Variants in ASTN2 observed in about 807,000 individuals in gnomAD.
ASTN2 encodes the protein astrotactin 2, also known as astrotactin-2.
Under a neutral mutation model 139.8 loss-of-function variants are expected in ASTN2, and 54 were observed. The observed-to-expected ratio is 0.39, with a 90% CI of 0.31 to 0.48. ASTN2 has a LOEUF of 0.48. ASTN2 is among the 20% of genes least tolerant of loss of function. The pLI, the probability that ASTN2 is intolerant of heterozygous loss-of-function variation, is 0.95. For synonymous variants in ASTN2, 756 were observed against 719.5 expected, an observed-to-expected ratio of 1.05 and a Z score of -0.81; for missense variants, 1,565 against 1,725.1, an observed-to-expected ratio of 0.91 and a Z score of 1.64.
chr9:117,207,788 C>T (rs75079625), intron 3 of ASTN2, among the ~76,000 whole-genome samples: 2,444 of 152,298 alleles, frequency 0.016, 73 homozygotes, highest in African/African-American at 0.055. Context: ...CATGAACATC[C>T]CCCTGTTCTG....
intron 16 of ASTN2, among the ~76,000 whole-genome samples, chr9:116,665,650 T>C (rs1418404138): frequency 2.6e-5 from 4 of 152,306 alleles, no homozygotes; most frequent in Middle Eastern, 3.4e-3. Flanking sequence ...GAGCCTGGGA[T>C]GTTTTGTTGT....
chr9:116,860,807 C>G (rs907197250), intron 11 of ASTN2, among the ~76,000 whole-genome samples: 2 of 152,194 alleles, frequency 1.3e-5, no homozygotes, highest in African/African-American at 4.8e-5. Context: ...AGGATGAGCT[C>G]TTAGCTTGTA....
intron 4 of ASTN2, among the ~76,000 whole-genome samples, chr9:117,113,617 T>C (rs545786150): frequency 2.6e-4 from 40 of 152,010 alleles, no homozygotes; most frequent in Non-Finnish European, 2.4e-4. Flanking sequence ...GATCGCACCA[T>C]TGCGCTCCAG....
intron 13 of ASTN2, among the ~76,000 whole-genome samples, chr9:116,780,394 A>G (rs1196823120): frequency 1.3e-5 from 2 of 152,232 alleles, no homozygotes; most frequent in African/African-American, 2.4e-5. Flanking sequence ...AGGCGTTCTC[A>G]TTCTGCTCCC....
At chr9:116,843,818 C>T (rs771676056) in intron 11 of ASTN2, among the ~76,000 whole-genome samples, 20 of 152,130 alleles carry the variant, frequency 1.3e-4, no homozygotes, top group Non-Finnish European at 2.4e-4. Flanking sequence ...GGGCACTACG[C>T]TTAGTACCTG....
chr9:117,164,022 T>A (rs965908527), intron 3 of ASTN2, among the ~76,000 whole-genome samples: 1 of 152,104 alleles, frequency 6.6e-6, no homozygotes, highest in African/African-American at 2.4e-5. Flanking sequence ...ATTTTCACCA[T>A]CAGTTTCAAA....
chr9:116,967,713 CG>C (rs1240851091), intron 10 of ASTN2, among the ~76,000 whole-genome samples: 2 of 152,282 alleles, frequency 1.3e-5, no homozygotes, highest in East Asian at 3.9e-4. Flanking sequence ...GATGTAAGAC[CG>C]GTATCAAGGG....
chr9:116,754,842 G>A (rs913632351), intron 13 of ASTN2, among the ~76,000 whole-genome samples: 1 of 152,154 alleles, frequency 6.6e-6, no homozygotes, highest in African/African-American at 2.4e-5. Context: ...CAACAAGTGT[G>A]AACTTTGACA....
intron 15 of ASTN2, among the ~76,000 whole-genome samples, chr9:116,726,209 A>G (rs1177254160): frequency 1.3e-5 from 2 of 152,224 alleles, no homozygotes; most frequent in Non-Finnish European, 1.5e-5. Context: ...TCAGCAACGT[A>G]GACCATGGGA....
intron 2 of ASTN2, among the ~76,000 whole-genome samples, chr9:117,245,045 A>G (rs1478088043): frequency 6.6e-6 from 1 of 152,028 alleles, no homozygotes; most frequent in Non-Finnish European, 1.5e-5. Context: ...ATCATGATAC[A>G]AGTAGAAGGT....
At chr9:116,786,487 C>A (rs1830381912) in intron 13 of ASTN2, among the ~76,000 whole-genome samples, 1 of 151,792 alleles carries the variant, frequency 6.6e-6, no homozygotes, top group Non-Finnish European at 1.5e-5. Context: ...GTGTCTGGTG[C>A]AGTGTGTCAT....
intron 5 of ASTN2, among the ~76,000 whole-genome samples, chr9:117,075,546 T>TTA (rs199828323): frequency 0.013 from 1,999 of 151,810 alleles, 42 homozygotes; most frequent in African/African-American, 0.046. Flanking sequence ...TTTTGGCAAT[T>TTA]TCATGGTCTC....
chr9:116,447,063 C>T (rs1564283219), intron 20 of ASTN2, among the ~76,000 whole-genome samples: 2 of 152,134 alleles, frequency 1.3e-5, no homozygotes, highest in Non-Finnish European at 2.9e-5. Flanking sequence ...GCTGACCTTC[C>T]TCCCCACTCT....
chr9:116,798,077 C>A lies in ASTN2; in HGVS notation c.2396+7555G>T, dbSNP rs574704635. On this transcript the variant is annotated intron_variant, in intron 13 of 22. Coordinates refer to ENST00000313400, the MANE Select transcript of ASTN2 (RefSeq NM_001365068.1). ...CTTGAGGCCAGGAGTTCAAGACCAG[C>A]CTGGCCAACATGGTGAAACCTTGTC... Among the ~76,000 whole-genome samples the A allele has an allele frequency of 2.6e-5, 4 of 152,286 alleles. No individual in the cohort carries two copies. The East Asian group carries it at 7.7e-4, about 29-fold the overall frequency.
chr9:117,324,352 G>T (rs1039842112), intron 1 of ASTN2, among the ~76,000 whole-genome samples: 9 of 152,208 alleles, frequency 5.9e-5, no homozygotes, highest in African/African-American at 2.2e-4. Context: ...GACAAAGGAG[G>T]TTTAATTGGT....
intron 1 of ASTN2, among the ~76,000 whole-genome samples, chr9:117,353,555 G>T (rs1829449950): frequency 6.6e-6 from 1 of 152,180 alleles, no homozygotes; most frequent in Admixed American, 6.6e-5. Context: ...ATAGCAAAAT[G>T]ATGACACCTT....
chr9:117,155,032 G>A (rs908997272), intron 3 of ASTN2, among the ~76,000 whole-genome samples: 8 of 151,938 alleles, frequency 5.3e-5, no homozygotes, highest in African/African-American at 1.4e-4. Flanking sequence ...AGGAAGAGGA[G>A]CAAAAGAAGA....
intron 2 of ASTN2, among the ~76,000 whole-genome samples, chr9:117,273,632 C>T (rs1053180240): frequency 6.6e-6 from 1 of 152,186 alleles, no homozygotes; most frequent in African/African-American, 2.4e-5. Flanking sequence ...AGAAGCAGAA[C>T]AGGATGGCTC....
intron 19 of ASTN2, among the ~76,000 whole-genome samples, chr9:116,494,577 A>G (rs1849614626): frequency 6.6e-6 from 1 of 152,180 alleles, no homozygotes; most frequent in Non-Finnish European, 1.5e-5. Flanking sequence ...AGGAAGCAAA[A>G]AGAGGGAAAT....
Sources: gnomAD v4.1 joint callset for allele counts (sites outside exome capture counted in the v4.1 genomes callset) on GRCh38, gnomAD v4.1.1 for gene constraint, MANE v1.5 for transcripts, NCBI Gene and HGNC (gene_info 2026-07-23, HGNC 2026-07-21) for gene names.